Variants in CPT1C observed in about 807,000 individuals in gnomAD.
CPT1C encodes carnitine palmitoyltransferase 1C.
Under a neutral mutation model 97.3 loss-of-function variants are expected in CPT1C, and 61 were observed. The ratio of observed to expected loss-of-function variants is 0.63; its 90% CI spans 0.51 to 0.78. The LOEUF is 0.78. Ranked by LOEUF, CPT1C falls within the 30% of genes least tolerant of loss-of-function variation. The pLI is 0.00. For missense variants in CPT1C, 975 were observed against 1,065.5 expected (o/e 0.92, Z 1.18); for synonymous variants, 469 against 447.2 (o/e 1.05, Z -0.61).
rs771133911 is a variant in CPT1C, at chr19:49,707,605, C to T, written c.1431C>T (p.Ile477=). 3.1e-6 allele frequency: 5 copies of T among 1,612,502 alleles called. No individual in the cohort carries two copies. The East Asian group carries it at 8.9e-5, about 29-fold the overall frequency. ...AGCACTCCTGGGCCGACTGCCCCAT[C>T]TCAGGACACATGTGGGAGGTAGGGC... ...SVEHSWADCP[I]SGHMWEFTLA... The change falls in exon 13 of 20, where the codon ATC becomes ATT. Residue 477 remains isoleucine, a synonymous_variant. Transcript: ENST00000598293.
chr19:49,704,978 G>A (rs753053198), intron 8 of CPT1C, 29 bp from the exon 9 acceptor site: 33 of 1,556,274 alleles, frequency 2.1e-5, no homozygotes, highest in Non-Finnish European at 1.8e-6. Flanking sequence ...GACCCTGGGT[G>A]TTTTGCCATC....
intron 13 of CPT1C, among the ~76,000 whole-genome samples, chr19:49,707,906 G>C (rs1406138656): frequency 6.6e-6 from 1 of 151,118 alleles, no homozygotes; most frequent in Admixed American, 6.6e-5. Context: ...GGGAGGCTGA[G>C]GCATGAGAAT....
rs1317481367 is a variant in CPT1C, at chr19:49,713,522, AAGG to A, written c.2332_2334del (p.Glu778del). The A allele has an allele frequency of 1.2e-6, 2 of 1,614,086 alleles. No individual in the cohort carries two copies. Among genetic ancestry groups the A allele is most frequent in the Non-Finnish European group, 1.7e-6 (2 of 1,180,046 alleles). On this transcript the variant is annotated inframe_deletion, in exon 20 of 20. Transcript: ENST00000598293. ...TAAGCGCCGGTTCAGAGGGTCAGGG[AAGG>A]AGAACTCCAGGCACAGGTGTGGATT...
In CPT1C at chr19:49,713,459, C is replaced by T. The variant is rs1230008018; in HGVS notation, c.2266C>T (p.Leu756=). Reference sequence around the variant, plus strand: ...GGGGCAGCACATTGAGGACGCACTGCTGGATGTGGCCTCCCTGTTCCAGGC... The same window carrying T: ...GGGGCAGCACATTGAGGACGCACTGTTGGATGTGGCCTCCCTGTTCCAGGC... ...RLGQHIEDAL[L]DVASLFQAGQ... Residue 756 remains leucine (L), a synonymous_variant, in exon 20 of 20, where the codon CTG becomes TTG. Coordinates refer to ENST00000598293, the MANE Select transcript of CPT1C (RefSeq NM_001199753.2). The T allele has an allele frequency of 3.7e-6, 6 of 1,614,108 alleles. No homozygotes were observed. Among genetic ancestry groups the T allele is most frequent in the Non-Finnish European group, 4.2e-6 (5 of 1,179,954 alleles).
chr19:49,703,452 G>A (rs1355012154), intron 7 of CPT1C, among the ~76,000 whole-genome samples: 2 of 149,706 alleles, frequency 1.3e-5, no homozygotes, highest in Non-Finnish European at 3.0e-5. Flanking sequence ...CGCCTGCCTC[G>A]GCCTCCCAAA....
At chr19:49,712,643 A>T (rs1016708867) in intron 17 of CPT1C, 93 bp from the exon 18 acceptor site, 2 of 833,858 alleles carry the variant, frequency 2.4e-6, no homozygotes, top group Non-Finnish European at 3.9e-6. Flanking sequence ...ATTTACGGGT[A>T]AAAAAAAAGC....
chr19:49,712,814 C>T lies in CPT1C; in HGVS notation c.2098C>T (p.Pro700Ser), dbSNP rs747438344. ...QMHLFDVHNYPDYVSSGGGFG... is the reference protein window; with the variant it reads ...QMHLFDVHNYSDYVSSGGGFG... ...GCATCTGTTTGACGTCCACAATTAC[C>T]CGGACTATGTTTCCTCAGGCGGTGG... is the stretch of plus-strand genomic sequence containing the variant. The change falls in exon 18 of 20, where the codon CCG becomes TCG. Residue 700 changes from proline (P) to serine (S), a missense_variant. Around this residue, in one of 3 missense-constraint regions of CPT1C, gnomAD observed 344 missense variants for 395.7 expected, o/e 0.87. Coordinates refer to ENST00000598293, the MANE Select transcript of CPT1C (RefSeq NM_001199753.2). The T allele has an allele frequency of 3.1e-6, 5 of 1,613,866 alleles. No homozygotes were observed. The highest frequency in any genetic ancestry group is 8.5e-7 in the Non-Finnish European group (1 of 1,179,980).
At position 49,713,041 on chromosome 19, in the gene CPT1C, A is replaced by T; in HGVS notation, c.2203A>T (p.Ser735Cys). The T allele has an allele frequency of 6.2e-7, 1 of 1,614,066 alleles. No individual in the cohort carries two copies. ...TGGCATGATCACCTTCCACATCTCCAGCAAAAAATCAAGCACAAAAACGGT... is the reference window on the plus strand; with the variant it reads ...TGGCATGATCACCTTCCACATCTCCTGCAAAAAATCAAGCACAAAAACGGT... Reference protein sequence around the residue: ...GDGMITFHISSKKSSTKTDSH... With the variant: ...GDGMITFHISCKKSSTKTDSH... The change falls in exon 19 of 20, where the codon AGC becomes TGC. Residue 735 changes from serine (S) to cysteine (C), a missense_variant. By Grantham distance (112) the Ser-to-Cys change is moderately radical. Around this residue, in one of 3 missense-constraint regions of CPT1C, gnomAD observed 344 missense variants for 395.7 expected, o/e 0.87. Transcript: ENST00000598293.
chr19:49,706,527 T>A lies in CPT1C; in HGVS notation c.1343+114T>A. 1 of 925,734 alleles carries A rather than the reference T, an allele frequency of 1.1e-6. No individual in the cohort carries two copies. Among genetic ancestry groups the A allele is most frequent in the Non-Finnish European group, 1.5e-6 (1 of 683,068 alleles). The allele number at this position is 925,734 out of a possible 1,614,324, so 57.3% of individuals were successfully genotyped here. A position where few individuals can be genotyped will look rare whatever the true frequency, so the allele number is the denominator to read the frequency against. ...CTGGAGCCCACACCTGCAGAGTCTGTAGACCAGGGGCTGCATAGAGCTGAG... is the reference window on the plus strand; with the variant it reads ...CTGGAGCCCACACCTGCAGAGTCTGAAGACCAGGGGCTGCATAGAGCTGAG... On this transcript the variant is annotated intron_variant, in intron 12 of 19. Coordinates refer to ENST00000598293, the MANE Select transcript of CPT1C (RefSeq NM_001199753.2). The surrounding 1 kb of genome is among the most constrained non-coding windows in gnomAD (Gnocchi z 4.8).
intron 3 of CPT1C, among the ~76,000 whole-genome samples, chr19:49,694,087 AAAATAAATAAATAAAT>A (rs143173653): frequency 0.19 from 20,668 of 107,458 alleles, 2,193 homozygotes; most frequent in African/African-American, 0.31. Flanking sequence ...AATAAAATAA[AAAATAAATAAATAAAT>A]AAATAAATAA....
intron 10 of CPT1C, 132 bp downstream of exon 10, chr19:49,705,430 C>T (rs2083445839): frequency 2.8e-6 from 2 of 726,198 alleles, no homozygotes; most frequent in East Asian, 2.7e-5. Flanking sequence ...CGTTATTACC[C>T]TCTCTGAGCC....
chr19:49,708,002 CA>C (rs60276067), intron 13 of CPT1C, among the ~76,000 whole-genome samples: 2,349 of 56,786 alleles, frequency 0.041, 23 homozygotes, highest in East Asian at 0.11. Context: ...GAATACATCT[CA>C]AAAAAAAAAA....
chr19:49,713,312 G>C (rs1444441046), intron 19 of CPT1C, 108 bp from the exon 20 acceptor site: 3 of 1,095,554 alleles, frequency 2.7e-6, no homozygotes, highest in Admixed American at 2.3e-5. Flanking sequence ...CCAGGCCCCA[G>C]CTCCTCCTCC....
At chr19:49,704,625 G>A (rs2083395901) in intron 7 of CPT1C, 85 bp from the exon 8 acceptor site, 7 of 1,027,744 alleles carry the variant, frequency 6.8e-6, no homozygotes, top group Admixed American at 5.9e-5. Context: ...CCTGACGCAG[G>A]AGCATCTGGG....
At chr19:49,699,487 A>T (rs2082874111) in intron 4 of CPT1C, among the ~76,000 whole-genome samples, 1 of 148,992 alleles carries the variant, frequency 6.7e-6, no homozygotes, top group African/African-American at 2.5e-5. Context: ...AAAAAAAAAA[A>T]AAAATTCCTG....
At chr19:49,697,264 C>T in intron 3 of CPT1C, 62 bp from the exon 4 acceptor site, 1 of 1,606,408 alleles carries the variant, frequency 6.2e-7, no homozygotes, top group Non-Finnish European at 8.5e-7. Context: ...CTGGGGATGG[C>T]ACAGAACAGG....
intron 3 of CPT1C, among the ~76,000 whole-genome samples, chr19:49,694,975 C>T (rs939352012): frequency 1.3e-5 from 2 of 151,954 alleles, no homozygotes; most frequent in Admixed American, 1.3e-4. Context: ...TCCGTCTCTA[C>T]TAAACATACA....
chr19:49,697,362 C>A lies in CPT1C; in HGVS notation c.178C>A (p.Leu60Ile). The change falls in exon 4 of 20, where the codon CTC becomes ATC. Residue 60 changes from leucine to isoleucine, a missense_variant. By Grantham distance (5) the Leu-to-Ile change is conservative. This residue lies in a region of CPT1C where 596 missense variants were observed against 603.1 expected (regional missense o/e 0.99). Transcript: ENST00000598293. The part of the protein sequence containing the change: ...FLTGVFPASP[L>I]SWLFLFSAIQ... ...CACCGGTGTGTTTCCTGCCAGCCCC[C>A]TCAGTTGGCTTTTCCTCTTCAGTGC... 6.2e-7 allele frequency: 1 copy of A among 1,614,146 alleles called. No homozygotes were observed. The highest frequency in any genetic ancestry group is 1.3e-5 in the African/African-American group (1 of 75,048).
rs780566514 is a variant in CPT1C, at chr19:49,697,387, C to T, written c.203C>T (p.Ala68Val). ...CTCAGTTGGCTTTTCCTCTTCAGTG[C>T]CATCCAGCTTGCCTGGTTCCTCCAG... Reference protein sequence around the residue: ...SPLSWLFLFSAIQLAWFLQLD... With the variant: ...SPLSWLFLFSVIQLAWFLQLD... Residue 68 changes from alanine to valine, a missense_variant, in exon 4 of 20, where the codon GCC (alanine) becomes GTC (valine). By Grantham distance (64) the Ala-to-Val change is moderately conservative. This residue lies in a region of CPT1C where 596 missense variants were observed against 603.1 expected (regional missense o/e 0.99). Transcript: ENST00000598293. 1.9e-6 allele frequency: 3 copies of T among 1,614,016 alleles called. No homozygotes were observed. The highest frequency in any genetic ancestry group is 1.6e-4 in the Middle Eastern group (1 of 6,084).
Sources: gnomAD v4.1 joint callset for allele counts (sites outside exome capture counted in the v4.1 genomes callset) on GRCh38, gnomAD v4.1.1 for gene constraint, gnomAD v4.1.1 regional missense constraint, Gnocchi (gnomAD v3.1) non-coding constraint, MANE v1.5 for transcripts, NCBI Gene and HGNC (gene_info 2026-07-23, HGNC 2026-07-21) for gene names.